Variants in SMIM13 observed in about 807,000 individuals in gnomAD.
SMIM13 encodes small integral membrane protein 13.
Under a neutral mutation model 5.9 loss-of-function variants are expected in SMIM13, and 3 were observed. The observed-to-expected ratio is 0.51, with a 90% CI of 0.23 to 1.31. SMIM13 has a LOEUF of 1.31. Among genes scored for constraint, SMIM13 ranks in the 40% most tolerant of loss-of-function variants. The probability of loss-of-function intolerance (pLI) is 0.18; values close to 1 mark genes in which losing one functional copy is unlikely to be tolerated. For missense variants in SMIM13, 85 were observed against 109.9 expected, an observed-to-expected ratio of 0.77 and a Z score of 1.01; for synonymous variants, 55 against 46.0, an observed-to-expected ratio of 1.19 and a Z score of -0.79.
At chr6:11,134,141 A>G (rs577711683) in intron 1 of SMIM13, among the ~76,000 whole-genome samples, 138 of 152,316 alleles carry the variant, frequency 9.1e-4, no homozygotes, top group African/African-American at 2.6e-3. Context: ...CTTAGATATC[A>G]TAAACTCATT....
intron 1 of SMIM13, among the ~76,000 whole-genome samples, chr6:11,109,835 A>G (rs968461441): frequency 4.6e-5 from 7 of 152,128 alleles, no homozygotes; most frequent in African/African-American, 1.7e-4. Context: ...AGACTTGATT[A>G]CCTGTCCACA....
At chr6:11,121,915 A>G (rs544874526) in intron 1 of SMIM13, among the ~76,000 whole-genome samples, 22 of 100,724 alleles carry the variant, frequency 2.2e-4, no homozygotes, top group African/African-American at 1.0e-3. Context: ...TTACATACAT[A>G]CCTACACCGT....
chr6:11,098,687 G>T (rs1757955358), intron 1 of SMIM13, among the ~76,000 whole-genome samples: 1 of 152,078 alleles, frequency 6.6e-6, no homozygotes, highest in Non-Finnish European at 1.5e-5. Context: ...CTTGCCCCGG[G>T]CTCCCAGGGT....
At chr6:11,095,062 C>T (rs970563070) in intron 1 of SMIM13, among the ~76,000 whole-genome samples, 1 of 152,100 alleles carries the variant, frequency 6.6e-6, no homozygotes, top group Non-Finnish European at 1.5e-5. Flanking sequence ...TTTTTGATTT[C>T]TTTGTACATG....
intron 1 of SMIM13, chr6:11,103,645 G>A: frequency 5.4e-6 from 8 of 1,491,520 alleles, no homozygotes; most frequent in Non-Finnish European, 7.2e-6. Context: ...AGACGGGGCA[G>A]GATTTCGCCT....
intron 1 of SMIM13, chr6:11,103,838 A>T: frequency 1.3e-6 from 2 of 1,551,704 alleles, no homozygotes; most frequent in Non-Finnish European, 1.7e-6. Context: ...GTAGGAGACT[A>T]ACAAGTGGGC....
At chr6:11,129,380 T>C (rs1472616193) in intron 1 of SMIM13, among the ~76,000 whole-genome samples, 1 of 152,256 alleles carries the variant, frequency 6.6e-6, no homozygotes, top group Non-Finnish European at 1.5e-5. Flanking sequence ...TATGGCGGAA[T>C]AGTATTCTAT....
intron 1 of SMIM13, among the ~76,000 whole-genome samples, chr6:11,131,768 T>C (rs190658764): frequency 4.7e-4 from 72 of 152,212 alleles, no homozygotes; most frequent in African/African-American, 1.7e-3. Context: ...ATACCAAAAT[T>C]AACAAAACTG....
chr6:11,127,737 T>A (rs1043352367), intron 1 of SMIM13, among the ~76,000 whole-genome samples: 2 of 152,170 alleles, frequency 1.3e-5, no homozygotes, highest in Non-Finnish European at 2.9e-5. Context: ...CATGATTCAA[T>A]TATCTCCCAC....
chr6:11,131,092 C>A (rs552999150), intron 1 of SMIM13, among the ~76,000 whole-genome samples: 2 of 152,102 alleles, frequency 1.3e-5, no homozygotes, highest in African/African-American at 4.8e-5. Flanking sequence ...CAAGTGAGTT[C>A]TTTTAAGTTA....
chr6:11,110,613 C>T (rs1391661521), intron 1 of SMIM13, among the ~76,000 whole-genome samples: 2 of 152,114 alleles, frequency 1.3e-5, no homozygotes, highest in South Asian at 2.1e-4. Flanking sequence ...TCTTCATCCT[C>T]CCAGGGTAAC....
chr6:11,125,356 G>A (rs1295870295), intron 1 of SMIM13, among the ~76,000 whole-genome samples: 1 of 151,020 alleles, frequency 6.6e-6, no homozygotes, highest in Non-Finnish European at 1.5e-5. Flanking sequence ...AGCACTTTGG[G>A]AGGCCAAGGC....
intron 1 of SMIM13, among the ~76,000 whole-genome samples, chr6:11,113,828 C>T (rs187314736): frequency 9.3e-4 from 142 of 152,018 alleles, no homozygotes; most frequent in African/African-American, 3.2e-3. Flanking sequence ...CCACCCATCT[C>T]GGCCTCCCAA....
In SMIM13 at chr6:11,129,084, G is replaced by GC. The variant is rs1262062541; in HGVS notation, c.77-5319_77-5318insC. 2.0e-5 allele frequency among the ~76,000 whole-genome samples: 3 copies of GC among 151,538 alleles called. No individual in the cohort carries two copies. In the East Asian group the frequency reaches 5.8e-4, roughly 29 times the overall value. On this transcript the variant is annotated intron_variant, in intron 1 of 1. Coordinates refer to ENST00000416247, the MANE Select transcript of SMIM13 (RefSeq NM_001135575.2). ...TTGGCATTGCTACCGGGAGCGGGGG[G>GC]GGGATGATCACTGGAGGCTTCTGTT... is the stretch of plus-strand genomic sequence containing the variant.
intron 1 of SMIM13, among the ~76,000 whole-genome samples, chr6:11,130,504 A>C (rs769517094): frequency 2.0e-5 from 3 of 152,140 alleles, no homozygotes; most frequent in Non-Finnish European, 4.4e-5. Flanking sequence ...AGCAGTGTGG[A>C]ATTGGAGTGG....
intron 1 of SMIM13, among the ~76,000 whole-genome samples, chr6:11,131,755 CTT>C (rs1758452841): frequency 6.6e-6 from 1 of 152,106 alleles, no homozygotes; most frequent in Non-Finnish European, 1.5e-5. Context: ...GGACCCCTCT[CTT>C]ATACCAAAAT....
At chr6:11,096,736 G>A (rs1423045682) in intron 1 of SMIM13, among the ~76,000 whole-genome samples, 7 of 150,062 alleles carry the variant, frequency 4.7e-5, no homozygotes, top group Admixed American at 3.3e-4. Context: ...TTTCACTCTC[G>A]TTGCCCAGGC....
At chr6:11,104,198 A>G (rs1758045850) in intron 1 of SMIM13, 1 of 1,551,622 alleles carries the variant, frequency 6.4e-7, no homozygotes, top group African/African-American at 1.4e-5. Context: ...TGATTCCAGC[A>G]ATTCCGGTTC....
rs1758512916 is a variant in SMIM13, at chr6:11,135,961, G to A, written c.*1359G>A. The A allele has an allele frequency of 6.6e-6, 1 of 152,040 alleles. No individual in the cohort carries two copies. Among genetic ancestry groups the A allele is most frequent in the Non-Finnish European group, 1.5e-5 (1 of 68,008 alleles). The allele number at this position is 152,040 out of a possible 1,614,324, so 9.4% of individuals were successfully genotyped here. A position where few individuals can be genotyped will look rare whatever the true frequency, so the allele number is the denominator to read the frequency against. ...TTTTAAGATAGCAGTTATTTATTGG[G>A]GAATTTGATTCTGACTCTTACAATG... On this transcript the variant is annotated 3_prime_UTR_variant, in exon 2 of 2. Transcript: ENST00000416247.
Sources: gnomAD v4.1 joint callset for allele counts (sites outside exome capture counted in the v4.1 genomes callset) on GRCh38, gnomAD v4.1.1 for gene constraint, MANE v1.5 for transcripts, NCBI Gene and HGNC (gene_info 2026-07-23, HGNC 2026-07-21) for gene names.